Variants in SLC25A21 observed in about 807,000 individuals in gnomAD.
SLC25A21 encodes the protein mitochondrial 2-oxodicarboxylate carrier.
SLC25A21 carries 47 observed loss-of-function variants against 43.8 expected under a neutral mutation model. The observed-to-expected ratio is 1.07, with a 90% CI of 0.85 to 1.37. SLC25A21 has a LOEUF of 1.37. SLC25A21 is among the 40% of genes most tolerant of loss of function. The pLI is 0.00. For missense variants in SLC25A21, 352 were observed against 350.2 expected, an observed-to-expected ratio of 1.00 and a Z score of -0.04; for synonymous variants, 131 against 121.3, an observed-to-expected ratio of 1.08 and a Z score of -0.52.
chr14:37,013,706 CA>C (rs1437458539), intron 1 of SLC25A21, among the ~76,000 whole-genome samples: 1 of 152,122 alleles, frequency 6.6e-6, no homozygotes, highest in Non-Finnish European at 1.5e-5. Context: ...ATAAGTCATC[CA>C]GTAACAAATG....
intron 3 of SLC25A21, among the ~76,000 whole-genome samples, chr14:36,763,065 C>T (rs1012434020): frequency 2.6e-5 from 4 of 151,994 alleles, no homozygotes; most frequent in African/African-American, 7.3e-5. Context: ...CCTTAAAGCA[C>T]GAAAAGCAAA....
At chr14:36,851,008 C>T (rs1209513266) in intron 2 of SLC25A21, among the ~76,000 whole-genome samples, 2 of 152,174 alleles carry the variant, frequency 1.3e-5, no homozygotes, top group Non-Finnish European at 2.9e-5. Flanking sequence ...CTACAGTCTG[C>T]CTGTTTAAGC....
intron 3 of SLC25A21, among the ~76,000 whole-genome samples, chr14:36,778,084 C>T (rs919323629): frequency 1.3e-5 from 2 of 152,166 alleles, no homozygotes; most frequent in Non-Finnish European, 2.9e-5. Flanking sequence ...ATACTCCCTC[C>T]CCTGGGCTAC....
chr14:36,768,147 G>A (rs1886483506), intron 3 of SLC25A21, among the ~76,000 whole-genome samples: 2 of 152,164 alleles, frequency 1.3e-5, no homozygotes, highest in Non-Finnish European at 2.9e-5. Context: ...TTGCTTACTG[G>A]CTTCAGTACA....
intron 3 of SLC25A21, among the ~76,000 whole-genome samples, chr14:36,746,675 T>A (rs190922763): frequency 6.6e-6 from 1 of 152,248 alleles, no homozygotes; most frequent in African/African-American, 2.4e-5. Flanking sequence ...TTCTGATCAC[T>A]CTCATCTTCT....
At chr14:36,703,287 C>T (rs180868689) in intron 7 of SLC25A21, among the ~76,000 whole-genome samples, 1 of 152,316 alleles carries the variant, frequency 6.6e-6, no homozygotes, top group Admixed American at 6.5e-5. Flanking sequence ...TCAGGGCACA[C>T]CTTAGGGGAG....
chr14:36,767,280 C>T (rs1886451651), intron 3 of SLC25A21, among the ~76,000 whole-genome samples: 1 of 152,136 alleles, frequency 6.6e-6, no homozygotes, highest in East Asian at 1.9e-4. Context: ...GAAATGCTAC[C>T]ACACTGTATC....
chr14:36,798,625 C>T lies in SLC25A21; in HGVS notation c.203+15293G>A, dbSNP rs370929165. 2.0e-5 allele frequency among the ~76,000 whole-genome samples: 3 copies of T among 151,490 alleles called. No homozygotes were observed. The East Asian group carries it at 5.9e-4, about 30-fold the overall frequency. On this transcript the variant is annotated intron_variant, in intron 3 of 9. Coordinates refer to ENST00000331299, the MANE Select transcript of SLC25A21 (RefSeq NM_030631.4). ...TGTACACATGGGCAGTCACTAAATA[C>T]CGTTTGCTTGCTGGGTCATAAGTAT...
At chr14:36,996,280 A>G (rs1194246473) in intron 1 of SLC25A21, among the ~76,000 whole-genome samples, 1 of 152,158 alleles carries the variant, frequency 6.6e-6, no homozygotes, top group African/African-American at 2.4e-5. Context: ...GCTTCACTTG[A>G]TCATAGTATC....
Position 36,684,911 on chromosome 14 carries a change from C to T in SLC25A21, c.618G>A (p.Glu206=). 6.2e-7 allele frequency: 1 copy of T among 1,609,354 alleles called. No homozygotes were observed. The highest frequency in any genetic ancestry group is 8.5e-7 in the Non-Finnish European group (1 of 1,178,776). The change falls in exon 8 of 10, where the codon GAG becomes GAA. Residue 206 remains glutamate (E), a synonymous_variant. Coordinates refer to ENST00000331299, the MANE Select transcript of SLC25A21 (RefSeq NM_030631.4). The part of the protein sequence containing the change: ...MIPVNKDPIL[E]FWRKFGIGLL... ...GACCAATCCCAAATTTTCTCCAAAA[C>T]TCCAAGATTGGATCCTAAAAGAAAA...
chr14:37,004,934 T>G (rs1020443138), intron 1 of SLC25A21, among the ~76,000 whole-genome samples: 4 of 151,706 alleles, frequency 2.6e-5, no homozygotes, highest in African/African-American at 7.3e-5. Context: ...GAATTTTTTT[T>G]TTTTTTTTGA....
intron 1 of SLC25A21, among the ~76,000 whole-genome samples, chr14:37,036,727 C>G (rs1484670073): frequency 6.6e-6 from 1 of 152,164 alleles, no homozygotes; most frequent in Non-Finnish European, 1.5e-5. Flanking sequence ...TCAATTCACC[C>G]AAATCTGCTA....
chr14:37,082,802 T>C (rs1477520616), intron 1 of SLC25A21, among the ~76,000 whole-genome samples: 1 of 152,188 alleles, frequency 6.6e-6, no homozygotes, highest in Non-Finnish European at 1.5e-5. Context: ...GGCCTATTAT[T>C]TTTCCAATGG....
chr14:36,909,012 G>T (rs28532837), intron 1 of SLC25A21, among the ~76,000 whole-genome samples: 1 of 152,114 alleles, frequency 6.6e-6, no homozygotes, highest in East Asian at 1.9e-4. Context: ...CCAGGCAAGA[G>T]TGTCCATAAC....
At chr14:37,018,020 T>C (rs555997593) in intron 1 of SLC25A21, among the ~76,000 whole-genome samples, 5 of 151,968 alleles carry the variant, frequency 3.3e-5, no homozygotes, top group African/African-American at 9.6e-5. Context: ...ATGATATACA[T>C]AATAATGACA....
intron 1 of SLC25A21, among the ~76,000 whole-genome samples, chr14:37,146,201 G>C (rs1380965811): frequency 6.6e-6 from 1 of 152,120 alleles, no homozygotes; most frequent in Non-Finnish European, 1.5e-5. Context: ...AATGTTTATT[G>C]AGTACCTGTC....
chr14:37,084,093 GA>G (rs1244801224), intron 1 of SLC25A21, among the ~76,000 whole-genome samples: 1 of 152,120 alleles, frequency 6.6e-6, no homozygotes, highest in Non-Finnish European at 1.5e-5. Context: ...TTCACTCTCA[GA>G]AGTGCCACAG....
At chr14:37,056,422 C>T (rs998091313) in intron 1 of SLC25A21, among the ~76,000 whole-genome samples, 4 of 149,562 alleles carry the variant, frequency 2.7e-5, no homozygotes, top group South Asian at 2.1e-4. Context: ...CCCCGGGGGG[C>T]GGAGTGTGCA....
chr14:36,863,614 A>T (rs913055809), intron 2 of SLC25A21, among the ~76,000 whole-genome samples: 1 of 152,238 alleles, frequency 6.6e-6, no homozygotes, highest in Admixed American at 6.5e-5. Flanking sequence ...TGTGGGGAGA[A>T]CTGACTGCAT....
Sources: gnomAD v4.1 joint callset for allele counts (sites outside exome capture counted in the v4.1 genomes callset) on GRCh38, gnomAD v4.1.1 for gene constraint, MANE v1.5 for transcripts, NCBI Gene and HGNC (gene_info 2026-07-23, HGNC 2026-07-21) for gene names.